Variants in MDGA2 observed in about 807,000 individuals in gnomAD.
MDGA2 encodes MAM domain-containing glycosylphosphatidylinositol anchor protein 2.
Under a neutral mutation model 117.8 loss-of-function variants are expected in MDGA2, and 40 were observed. That is an observed-to-expected ratio of 0.34 (90% CI 0.26 to 0.44). The LOEUF is 0.44. Ranked by LOEUF, MDGA2 falls within the 20% of genes least tolerant of loss-of-function variation. MDGA2 has a pLI of 1.00. For missense variants in MDGA2, 1,123 were observed against 1,250.6 expected (o/e 0.90, Z 1.54); for synonymous variants, 452 against 439.0 (o/e 1.03, Z -0.37).
chr14:47,530,657 G>T (rs1293271738), intron 1 of MDGA2, among the ~76,000 whole-genome samples: 1 of 152,014 alleles, frequency 6.6e-6, no homozygotes, highest in Non-Finnish European at 1.5e-5. Flanking sequence ...AGAAGGCAGT[G>T]ACCCCCCTGG....
At chr14:47,595,646 C>T (rs558284574) in intron 1 of MDGA2, among the ~76,000 whole-genome samples, 8 of 150,848 alleles carry the variant, frequency 5.3e-5, no homozygotes, top group Non-Finnish European at 1.0e-4. Context: ...AAGGACATGA[C>T]AGCATAATGA....
At chr14:47,369,514 G>T (rs1891299443) in intron 1 of MDGA2, among the ~76,000 whole-genome samples, 1 of 151,870 alleles carries the variant, frequency 6.6e-6, no homozygotes, top group African/African-American at 2.4e-5. Context: ...AGAACTCAGG[G>T]TTTTCATCCT....
At chr14:47,645,301 T>C (rs1015976639) in intron 1 of MDGA2, among the ~76,000 whole-genome samples, 3 of 151,908 alleles carry the variant, frequency 2.0e-5, no homozygotes, top group African/African-American at 7.3e-5. Flanking sequence ...GGAGGTGCGG[T>C]GGCGCGATAT....
chr14:47,155,210 G>A (rs1300792650), intron 3 of MDGA2, among the ~76,000 whole-genome samples: 2 of 152,086 alleles, frequency 1.3e-5, no homozygotes, highest in South Asian at 2.1e-4. Flanking sequence ...GCTCCTCTTC[G>A]CCTTGCTCAC....
rs982029106 is a variant in MDGA2 at position 47,673,350 on chromosome 14, T to G, written c.280+1167A>C. On this transcript the variant is annotated intron_variant, in intron 1 of 16. Transcript: ENST00000399232. Reference sequence around the variant, plus strand: ...CACTTCCACAAATATTCATTCCTTTTTGCCCTGGGTCAGCCATTGACTTAG... The same window carrying G: ...CACTTCCACAAATATTCATTCCTTTGTGCCCTGGGTCAGCCATTGACTTAG... Among the ~76,000 whole-genome samples the G allele has an allele frequency of 3.9e-5, 6 of 152,160 alleles. No homozygotes were observed. The East Asian group carries it at 5.8e-4, about 15-fold the overall frequency.
At chr14:46,903,545 T>G (rs1410231038) in intron 10 of MDGA2, among the ~76,000 whole-genome samples, 2 of 152,202 alleles carry the variant, frequency 1.3e-5, no homozygotes, top group Non-Finnish European at 2.9e-5. Flanking sequence ...TCATTCTATT[T>G]CCAATAGATG....
At chr14:47,076,953 AT>A (rs1890518907) in intron 6 of MDGA2, among the ~76,000 whole-genome samples, 2 of 152,140 alleles carry the variant, frequency 1.3e-5, no homozygotes, top group Middle Eastern at 3.4e-3. Flanking sequence ...CTACTCACCC[AT>A]TTTTTAATAA....
chr14:47,664,567 T>C (rs2138300051), intron 1 of MDGA2, among the ~76,000 whole-genome samples: 1 of 152,350 alleles, frequency 6.6e-6, no homozygotes. Context: ...GATTTTTGCC[T>C]GAAGTAACAC....
In MDGA2 at chr14:46,924,682, CAG is replaced by C. The variant is rs530416045; in HGVS notation, c.2090-4524_2090-4523del. Among the ~76,000 whole-genome samples, 809 of 150,728 alleles carry C rather than the reference CAG, an allele frequency of 5.4e-3. 12 individuals are homozygous for C. The highest frequency in any genetic ancestry group is 0.019 in the African/African-American group (784 of 41,136). ...ATTTTATTATCAGATTGCACAATCT[CAG>C]AAAAAAAAAACTCATACAGACAACA... is the stretch of plus-strand genomic sequence containing the variant. On this transcript the variant is annotated intron_variant, in intron 9 of 16. Transcript: ENST00000399232.
intron 1 of MDGA2, among the ~76,000 whole-genome samples, chr14:47,401,048 T>G (rs1051571028): frequency 6.6e-6 from 1 of 151,626 alleles, no homozygotes; most frequent in Admixed American, 6.6e-5. Flanking sequence ...TGAGCCACCG[T>G]GCCCGGCCGG....
chr14:47,351,296 G>A (rs898801741), intron 1 of MDGA2, among the ~76,000 whole-genome samples: 4 of 152,016 alleles, frequency 2.6e-5, no homozygotes, highest in Non-Finnish European at 1.5e-5. Context: ...TGGCCAGGCT[G>A]GTCTCGGACT....
At chr14:47,449,577 C>T (rs980898561) in intron 1 of MDGA2, among the ~76,000 whole-genome samples, 6 of 152,010 alleles carry the variant, frequency 3.9e-5, no homozygotes, top group Non-Finnish European at 2.9e-5. Context: ...CAGTTAAACA[C>T]ACTTAAGAGG....
chr14:47,515,996 A>C (rs1049239708), intron 1 of MDGA2, among the ~76,000 whole-genome samples: 3 of 152,208 alleles, frequency 2.0e-5, no homozygotes, highest in African/African-American at 7.2e-5. Flanking sequence ...TATATCAAAG[A>C]GAATGAGACT....
At chr14:47,088,343 T>C (rs1294492576) in intron 6 of MDGA2, among the ~76,000 whole-genome samples, 1 of 152,094 alleles carries the variant, frequency 6.6e-6, no homozygotes, top group Non-Finnish European at 1.5e-5. Flanking sequence ...AATATTAAAT[T>C]GGGAAAAGAG....
At chr14:46,864,928 C>A (rs1881685308) in intron 14 of MDGA2, among the ~76,000 whole-genome samples, 1 of 151,970 alleles carries the variant, frequency 6.6e-6, no homozygotes, top group Admixed American at 6.6e-5. Flanking sequence ...ATTTATTCCA[C>A]TGAGATTCTC....
chr14:47,465,909 G>T (rs1052708977), intron 1 of MDGA2, among the ~76,000 whole-genome samples: 1 of 152,136 alleles, frequency 6.6e-6, no homozygotes, highest in Non-Finnish European at 1.5e-5. Context: ...ATTCACAATA[G>T]CAGACATGGA....
intron 1 of MDGA2, among the ~76,000 whole-genome samples, chr14:47,521,665 ATGTT>A (rs1455141628): frequency 1.3e-5 from 2 of 151,856 alleles, no homozygotes. Context: ...CTCCATACGC[ATGTT>A]TGTTTTTTAT....
chr14:47,158,363 GGT>G (rs34198544), intron 3 of MDGA2, among the ~76,000 whole-genome samples: 57,298 of 146,480 alleles, frequency 0.39, 10,965 homozygotes, highest in South Asian at 0.51. Flanking sequence ...CCCTGGGGTG[GGT>G]GTGTGTGTGT....
chr14:47,012,126 T>C (rs1887915895), intron 8 of MDGA2, among the ~76,000 whole-genome samples: 1 of 152,130 alleles, frequency 6.6e-6, no homozygotes, highest in East Asian at 1.9e-4. Context: ...GAGAAAAAAA[T>C]GCAAAAGTGA....
Sources: allele counts gnomAD v4.1 joint callset (sites outside exome capture counted in the v4.1 genomes callset), GRCh38; gene constraint gnomAD v4.1.1; transcripts MANE v1.5; gene names NCBI Gene and HGNC (gene_info 2026-07-23, HGNC 2026-07-21).